PSTPIP1: variants seen among roughly 807,000 people sequenced by gnomAD.
PSTPIP1 encodes proline-serine-threonine phosphatase-interacting protein 1.
Under a neutral mutation model 69.6 loss-of-function variants are expected in PSTPIP1, and 66 were observed. The ratio of observed to expected loss-of-function variants is 0.95; its 90% CI spans 0.78 to 1.16. The LOEUF (loss-of-function observed/expected upper bound fraction) is 1.16. Among genes scored for constraint, PSTPIP1 ranks in the 50% most tolerant of loss-of-function variants. The probability of loss-of-function intolerance (pLI) is 0.00; values close to 1 mark genes in which losing one functional copy is unlikely to be tolerated. For missense variants in PSTPIP1, 603 were observed against 557.4 expected, an observed-to-expected ratio of 1.08 and a Z score of -0.82; for synonymous variants, 266 against 222.7, an observed-to-expected ratio of 1.19 and a Z score of -1.73.
At position 77,031,197 on chromosome 15, in the gene PSTPIP1, G is replaced by A. The variant is rs1227170338; in HGVS notation, c.660G>A (p.Glu220=). 4 of 1,612,736 alleles carry A rather than the reference G, an allele frequency of 2.5e-6. No homozygotes were observed. Among genetic ancestry groups the A allele is most frequent in the Non-Finnish European group, 3.4e-6 (4 of 1,179,618 alleles). The change falls in exon 10 of 15, where the codon GAG becomes GAA. Residue 220 remains glutamate, a synonymous_variant. Coordinates refer to ENST00000558012, the MANE Select transcript of PSTPIP1 (RefSeq NM_003978.5). ...GCCCCCAGGCCTTTCAGCTGCAAGA[G>A]TTTGACCGGCTGACCATTCTCCGCA... ...RTTCEAFQLQ[E]FDRLTILRNA...
intron 12 of PSTPIP1, among the ~76,000 whole-genome samples, chr15:77,034,466 G>A (rs1456476767): frequency 6.6e-6 from 1 of 151,914 alleles, no homozygotes; most frequent in African/African-American, 2.4e-5. Flanking sequence ...ATGCCACCTT[G>A]AATTGCAGGG....
At chr15:77,013,143 G>C (rs1428435040) in intron 1 of PSTPIP1, among the ~76,000 whole-genome samples, 2 of 152,190 alleles carry the variant, frequency 1.3e-5, no homozygotes, top group Non-Finnish European at 2.9e-5. Context: ...CCAGCACCAT[G>C]CAGCTCCGTG....
chr15:77,032,667 C>T, intron 11 of PSTPIP1, 195 bp from the exon 12 acceptor site: 2 of 626,198 alleles, frequency 3.2e-6, no homozygotes, highest in Non-Finnish European at 5.6e-6. Context: ...TGTTTGGTTC[C>T]ACTGGATCAC....
At chr15:77,037,004 C>G in intron 14 of PSTPIP1, 41 bp from the exon 15 acceptor site, 2 of 1,599,482 alleles carry the variant, frequency 1.3e-6, no homozygotes, top group South Asian at 2.2e-5. Context: ...CCCTTCCCTG[C>G]AGGCCCTTCC....
At position 77,000,343 on chromosome 15, in the gene PSTPIP1, T is replaced by A. The variant is rs1453003831; in HGVS notation, c.36+4734T>A. On this transcript the variant is annotated intron_variant, in intron 1 of 14. Coordinates refer to ENST00000558012, the MANE Select transcript of PSTPIP1 (RefSeq NM_003978.5). ...AGAGAAGGGGACTGAGGGGCCCTAC[T>A]CTGATCTGTCATAAAGCTGCCTGTC... Among the ~76,000 whole-genome samples, 5 of 152,176 alleles carry A rather than the reference T, an allele frequency of 3.3e-5. No individual in the cohort carries two copies. In the East Asian group the frequency reaches 9.7e-4, roughly 29 times the overall value.
Position 77,025,284 on chromosome 15 carries a change from C to T in PSTPIP1, c.213C>T (p.Asn71=). ...TGACCTGGACCCATCTGTTTTGCAGCTCCCTGAGGGCCTCCTTTGACTCCT... is the reference window on the plus strand; with the variant it reads ...TGACCTGGACCCATCTGTTTTGCAGTTCCCTGAGGGCCTCCTTTGACTCCT... ...ARKAGGQTEI[N]SLRASFDSLK... is the part of the protein sequence containing the mutation. Residue 71 remains asparagine, a splice_region_variant and synonymous_variant, in exon 4 of 15, where the codon AAC becomes AAT. Coordinates refer to ENST00000558012, the MANE Select transcript of PSTPIP1 (RefSeq NM_003978.5). The T allele has an allele frequency of 6.2e-7, 1 of 1,610,264 alleles. No homozygotes were observed. Among genetic ancestry groups the T allele is most frequent in the South Asian group, 1.1e-5 (1 of 91,016 alleles).
At chr15:77,020,480 G>A (rs1261449250) in intron 3 of PSTPIP1, among the ~76,000 whole-genome samples, 2 of 152,318 alleles carry the variant, frequency 1.3e-5, no homozygotes, top group Admixed American at 6.5e-5. Context: ...ATGAAGTACT[G>A]TTGATGAGGC....
intron 1 of PSTPIP1, among the ~76,000 whole-genome samples, chr15:77,005,569 A>G (rs1283791032): frequency 6.6e-6 from 1 of 152,242 alleles, no homozygotes; most frequent in African/African-American, 2.4e-5. Context: ...ATTCAGAGGC[A>G]TTAAGAACAT....
At chr15:77,023,852 G>A (rs2076214868) in intron 3 of PSTPIP1, among the ~76,000 whole-genome samples, 1 of 152,078 alleles carries the variant, frequency 6.6e-6, no homozygotes, top group Non-Finnish European at 1.5e-5. Context: ...CTGAATGAGT[G>A]GGACTGAGCT....
At chr15:77,003,222 C>G (rs1273302406) in intron 1 of PSTPIP1, among the ~76,000 whole-genome samples, 1 of 152,170 alleles carries the variant, frequency 6.6e-6, no homozygotes, top group Non-Finnish European at 1.5e-5. Context: ...CTGGCTGACG[C>G]TGCAAACCAC....
intron 14 of PSTPIP1, 28 bp from the exon 15 acceptor site, chr15:77,037,017 C>CA (rs768294337): frequency 6.2e-7 from 1 of 1,607,084 alleles, no homozygotes; most frequent in Admixed American, 1.7e-5. Context: ...GCCCTTCCAA[C>CA]GTCATGCGCT....
chr15:77,025,262 C>G, intron 3 of PSTPIP1, 22 bp from the exon 4 acceptor site: 1 of 1,603,286 alleles, frequency 6.2e-7, no homozygotes, highest in East Asian at 2.2e-5. Context: ...CTCCTCCTGA[C>G]CTGGACCCAT....
Position 76,995,138 on chromosome 15 carries a change from G to A in PSTPIP1, c.-436G>A, listed in dbSNP as rs548828496. ...GGGGAGGTTGCACAAACCTTCCTGC[G>A]CAGGCCTCGGGCTGCCTGCCTGCCT... On this transcript the variant is annotated 5_prime_UTR_variant, in exon 1 of 15. Coordinates refer to ENST00000558012, the MANE Select transcript of PSTPIP1 (RefSeq NM_003978.5). 498 of 1,128,386 alleles carry A rather than the reference G, an allele frequency of 4.4e-4. 2 individuals carry two copies. Among genetic ancestry groups the A allele is most frequent in the South Asian group, 3.2e-3 (174 of 55,088 alleles). The allele number at this position is 1,128,386 out of a possible 1,614,324, so 69.9% of individuals were successfully genotyped here.
intron 14 of PSTPIP1, among the ~76,000 whole-genome samples, chr15:77,036,688 G>C (rs1260353430): frequency 5.3e-5 from 8 of 152,144 alleles, no homozygotes; most frequent in Admixed American, 5.2e-4. Flanking sequence ...GCTAGCTGGG[G>C]CTGGGGACCG....
At position 76,995,486 on chromosome 15, in the gene PSTPIP1, A is replaced by G. The variant is rs754487450; in HGVS notation, c.-88A>G. On this transcript the variant is annotated 5_prime_UTR_variant, in exon 1 of 15. Transcript: ENST00000558012. ...AAGGGGGGCCTGGGCCAGCCCTGCC[A>G]GGACTGGGACGCTGCTGCTGGCGCC... 1 of 1,607,732 alleles carries G rather than the reference A, an allele frequency of 6.2e-7. No individual in the cohort carries two copies. The highest frequency in any genetic ancestry group is 8.5e-7 in the Non-Finnish European group (1 of 1,177,174).
intron 1 of PSTPIP1, among the ~76,000 whole-genome samples, chr15:77,001,494 G>A (rs1224771620): frequency 5.3e-5 from 8 of 152,234 alleles, no homozygotes; most frequent in Non-Finnish European, 8.8e-5. Flanking sequence ...GTGGCTTTGA[G>A]GGCCAAGGAG....
chr15:77,030,906 G>A (rs951516072), intron 9 of PSTPIP1, among the ~76,000 whole-genome samples: 6 of 152,212 alleles, frequency 3.9e-5, no homozygotes, highest in Admixed American at 1.3e-4. Context: ...CAGGACTCCC[G>A]TCCGAGGTCC....
At chr15:77,032,223 C>A (rs959508279) in intron 10 of PSTPIP1, 75 bp from the exon 11 acceptor site, 7 of 1,471,830 alleles carry the variant, frequency 4.8e-6, no homozygotes, top group South Asian at 1.2e-5. Context: ...TGGGTGGGGG[C>A]CGCTGGTCAG....
intron 3 of PSTPIP1, among the ~76,000 whole-genome samples, chr15:77,019,414 C>T (rs977017757): frequency 2.6e-5 from 4 of 152,166 alleles, no homozygotes; most frequent in Admixed American, 6.5e-5. Context: ...CCTGCCTTCT[C>T]CCCCGAGAGA....
Sources: allele counts gnomAD v4.1 joint callset (sites outside exome capture counted in the v4.1 genomes callset), GRCh38; gene constraint gnomAD v4.1.1; transcripts MANE v1.5; gene names NCBI Gene and HGNC (gene_info 2026-07-23, HGNC 2026-07-21).